The following FGF7 variants were observed in gnomAD, a reference collection of about 807,000 sequenced individuals.
The protein encoded by FGF7 is fibroblast growth factor 7.
FGF7 carries 6 observed loss-of-function variants against 20.5 expected under a neutral mutation model. The ratio of observed to expected loss-of-function variants is 0.29; its 90% CI spans 0.16 to 0.58. The LOEUF is 0.58. Ranked by LOEUF, FGF7 falls within the 20% of genes least tolerant of loss-of-function variation. The pLI, the probability that FGF7 is intolerant of heterozygous loss-of-function variation, is 0.90. For missense variants in FGF7, 144 were observed against 228.8 expected, an observed-to-expected ratio of 0.63 and a Z score of 2.39; for synonymous variants, 64 against 74.7, an observed-to-expected ratio of 0.86 and a Z score of 0.74.
At chr15:49,437,597 G>C (rs2051225152) in intron 2 of FGF7, among the ~76,000 whole-genome samples, 1 of 151,608 alleles carries the variant, frequency 6.6e-6, no homozygotes, top group Non-Finnish European at 1.5e-5. Flanking sequence ...TGCATTATTT[G>C]TGACCTGATT....
intron 2 of FGF7, among the ~76,000 whole-genome samples, chr15:49,462,218 T>C (rs1442995907): frequency 6.6e-6 from 1 of 152,180 alleles, no homozygotes; most frequent in African/African-American, 2.4e-5. Flanking sequence ...GAAAAAAAGA[T>C]TGATTATTGC....
At chr15:49,481,659 T>C (rs567455833) in intron 2 of FGF7, among the ~76,000 whole-genome samples, 1 of 152,340 alleles carries the variant, frequency 6.6e-6, no homozygotes, top group African/African-American at 2.4e-5. Flanking sequence ...TTTTAACTTC[T>C]GGTGTCAGAA....
chr15:49,458,306 C>A (rs551495746), intron 2 of FGF7, among the ~76,000 whole-genome samples: 1 of 152,086 alleles, frequency 6.6e-6, no homozygotes, highest in Non-Finnish European at 1.5e-5. Context: ...CCAAATAGTA[C>A]ATTTAAATAG....
At chr15:49,446,065 A>G (rs1445405105) in intron 2 of FGF7, among the ~76,000 whole-genome samples, 2 of 151,590 alleles carry the variant, frequency 1.3e-5, no homozygotes, top group Non-Finnish European at 3.0e-5. Context: ...GTATTTCTAA[A>G]TAACAATGTT....
intron 2 of FGF7, among the ~76,000 whole-genome samples, chr15:49,459,974 C>G (rs2053647519): frequency 6.6e-6 from 1 of 152,068 alleles, no homozygotes; most frequent in Non-Finnish European, 1.5e-5. Flanking sequence ...TTTTATCCAC[C>G]CACACACTGT....
intron 2 of FGF7, among the ~76,000 whole-genome samples, chr15:49,471,534 T>TAC (rs1434567116): frequency 7.2e-6 from 1 of 139,860 alleles, no homozygotes; most frequent in Non-Finnish European, 1.5e-5. Flanking sequence ...AATAATAATA[T>TAC]GGCAAATGTA....
At chr15:49,449,369 TA>T (rs2052517846) in intron 2 of FGF7, among the ~76,000 whole-genome samples, 1 of 152,072 alleles carries the variant, frequency 6.6e-6, no homozygotes, top group African/African-American at 2.4e-5. Flanking sequence ...TTTTAGTATA[TA>T]AAGACAGTTA....
intron 2 of FGF7, among the ~76,000 whole-genome samples, chr15:49,446,865 A>G (rs1044557287): frequency 6.6e-6 from 1 of 151,556 alleles, no homozygotes; most frequent in African/African-American, 2.4e-5. Context: ...GCAGGGGGAG[A>G]AGTGAGGAAG....
In FGF7 at chr15:49,485,646, A is replaced by C. The variant is rs1234155056; in HGVS notation, c.*1142A>C. Reference sequence around the variant, plus strand: ...AAGGCAGACAAAAATAAGAGCCTGAAGCAATGCTTACAATAGATGTCTCAC... The same window carrying C: ...AAGGCAGACAAAAATAAGAGCCTGACGCAATGCTTACAATAGATGTCTCAC... On this transcript the variant is annotated 3_prime_UTR_variant, in exon 4 of 4. Coordinates refer to ENST00000267843, the MANE Select transcript of FGF7 (RefSeq NM_002009.4). The C allele has an allele frequency of 6.6e-6, 1 of 152,504 alleles. No homozygotes were observed. The allele number at this position is 152,504 out of a possible 1,614,324, so 9.4% of individuals were successfully genotyped here.
intron 2 of FGF7, among the ~76,000 whole-genome samples, chr15:49,435,620 C>A (rs983421901): frequency 1.1e-4 from 16 of 151,430 alleles, no homozygotes; most frequent in Non-Finnish European, 1.9e-4. Flanking sequence ...AAGATTCTGG[C>A]CAAATTTGGT....
chr15:49,431,790 A>C (rs2050646292), intron 2 of FGF7, among the ~76,000 whole-genome samples: 1 of 151,772 alleles, frequency 6.6e-6, no homozygotes, highest in Non-Finnish European at 1.5e-5. Context: ...AAATGAAGCA[A>C]AGTTTCTCAT....
At chr15:49,462,764 C>T (rs938776775) in intron 2 of FGF7, among the ~76,000 whole-genome samples, 1 of 152,116 alleles carries the variant, frequency 6.6e-6, no homozygotes, top group African/African-American at 2.4e-5. Flanking sequence ...TATGATATAT[C>T]AGATTATGAA....
intron 2 of FGF7, among the ~76,000 whole-genome samples, chr15:49,437,001 C>A (rs1445039917): frequency 6.6e-6 from 1 of 151,560 alleles, no homozygotes; most frequent in African/African-American, 2.4e-5. Context: ...GAAGGCGTAG[C>A]AACCTTCAGT....
intron 2 of FGF7, among the ~76,000 whole-genome samples, chr15:49,453,623 T>C (rs532126036): frequency 6.6e-6 from 1 of 152,300 alleles, no homozygotes; most frequent in East Asian, 1.9e-4. Flanking sequence ...GACAACCATA[T>C]TTTTCTGCTC....
At chr15:49,449,227 G>T (rs933604260) in intron 2 of FGF7, among the ~76,000 whole-genome samples, 1 of 151,768 alleles carries the variant, frequency 6.6e-6, no homozygotes, top group African/African-American at 2.4e-5. Context: ...GGCTCATATT[G>T]GGCTCCTAGT....
At chr15:49,474,201 C>A (rs536080585) in intron 2 of FGF7, among the ~76,000 whole-genome samples, 8 of 152,088 alleles carry the variant, frequency 5.3e-5, no homozygotes, top group Non-Finnish European at 7.4e-5. Flanking sequence ...CTATCTATAT[C>A]AGCCCAGTTC....
chr15:49,476,232 G>GTTTTTTTTTTTTTTTTTTT lies in FGF7; in HGVS notation c.287-6906_287-6905insTTTTTTTTTTTTTTTTTTT. Among the ~76,000 whole-genome samples, 38 of 57,450 alleles carry GTTTTTTTTTTTTTTTTTTT rather than the reference G, an allele frequency of 6.6e-4. 4 individuals are homozygous for GTTTTTTTTTTTTTTTTTTT. The highest frequency in any genetic ancestry group is 9.8e-4 in the Admixed American group (5 of 5,084). 37.7% of individuals were successfully genotyped at this position (57,450 alleles called of 152,430 possible). On this transcript the variant is annotated intron_variant, in intron 2 of 3. Coordinates refer to ENST00000267843, the MANE Select transcript of FGF7 (RefSeq NM_002009.4). ...TTGCTGTTTTGTTTTTTTGTTTTTG[G>GTTTTTTTTTTTTTTTTTTT]TTTTTTTTTTTTTGCATTTGGCATA... is the stretch of plus-strand genomic sequence containing the variant.
intron 2 of FGF7, among the ~76,000 whole-genome samples, chr15:49,475,326 T>C (rs1173668504): frequency 2.0e-5 from 3 of 152,256 alleles, no homozygotes; most frequent in South Asian, 2.1e-4. Context: ...AAAAGTTAAA[T>C]TGAAGAAAAA....
Position 49,441,591 on chromosome 15 carries a change from G to T in FGF7, c.286+17008G>T, listed in dbSNP as rs552905636. On this transcript the variant is annotated intron_variant, in intron 2 of 3. Transcript: ENST00000267843. Reference sequence around the variant, plus strand: ...TTCCATATATAGAGAGAAAAGGAGAGTGCATTTCATGACATGGTATAATTT... The same window carrying T: ...TTCCATATATAGAGAGAAAAGGAGATTGCATTTCATGACATGGTATAATTT... Among the ~76,000 whole-genome samples the T allele has an allele frequency of 1.1e-4, 16 of 151,228 alleles. No individual in the cohort carries two copies. In the South Asian group the frequency reaches 3.1e-3, roughly 29 times the overall value.
Sources: gnomAD v4.1 joint callset for allele counts (sites outside exome capture counted in the v4.1 genomes callset) on GRCh38, gnomAD v4.1.1 for gene constraint, MANE v1.5 for transcripts, NCBI Gene and HGNC (gene_info 2026-07-23, HGNC 2026-07-21) for gene names.